Variants in PTGER4 observed in about 807,000 individuals in gnomAD.
The protein encoded by PTGER4 is prostaglandin E2 receptor EP4 subtype.
PTGER4 carries 11 observed loss-of-function variants against 33.2 expected under a neutral mutation model. The observed-to-expected ratio is 0.33, with a 90% CI of 0.21 to 0.55. The LOEUF (loss-of-function observed/expected upper bound fraction) is 0.55, where lower values mean the gene tolerates loss of function less well. Among genes scored for constraint, PTGER4 ranks in the 20% least tolerant of loss-of-function variants. PTGER4 has a pLI of 0.92. For missense variants in PTGER4, 481 were observed against 650.2 expected (o/e 0.74, Z 2.83); for synonymous variants, 275 against 281.5 (o/e 0.98, Z 0.23).
At chr5:40,746,783 AC>A in the PTGER4 span, 1 of 1,581,984 alleles carries the variant, frequency 6.3e-7, no homozygotes, top group Middle Eastern at 1.7e-4. Flanking sequence ...TAAAAAAAAA[AC>A]TTTAAATACA....
At chr5:40,713,783 T>A in the PTGER4 span, among the ~76,000 whole-genome samples, 1 of 152,156 alleles carries the variant, frequency 6.6e-6, no homozygotes, top group South Asian at 2.1e-4. Context: ...ATCTATATCA[T>A]TATCATGAAC....
chr5:40,689,244 A>G (rs1046474421), intron 2 of PTGER4, among the ~76,000 whole-genome samples: 145 of 152,310 alleles, frequency 9.5e-4, no homozygotes, highest in Non-Finnish European at 8.1e-4. Flanking sequence ...GAATAACAAC[A>G]AAACAATAAC....
chr5:40,681,089 G>T lies in PTGER4; in HGVS notation c.96G>T (p.Val32=). ...CGGCGGTGATGTTCATCTTCGGGGT[G>T]GTGGGCAACCTGGTGGCCATCGTGG... ...TIPAVMFIFG[V]VGNLVAIVVL... Residue 32 remains valine (V), a synonymous_variant, in exon 2 of 3, where the codon GTG becomes GTT. Coordinates refer to ENST00000302472, the MANE Select transcript of PTGER4 (RefSeq NM_000958.3). The surrounding 1 kb of genome is among the most constrained non-coding windows in gnomAD (Gnocchi z 9.8). 6.2e-7 allele frequency: 1 copy of T among 1,614,084 alleles called. No individual in the cohort carries two copies. The highest frequency in any genetic ancestry group is 2.2e-5 in the East Asian group (1 of 44,870).
chr5:40,717,294 T>C, the PTGER4 span, among the ~76,000 whole-genome samples: 1 of 149,876 alleles, frequency 6.7e-6, no homozygotes, highest in Non-Finnish European at 1.5e-5. Flanking sequence ...TCATATGAAG[T>C]AGGTATGGTT....
At chr5:40,698,110 AAAAAAAAAAC>A (rs1417209436), downstream of PTGER4, among the ~76,000 whole-genome samples, 2 of 145,978 alleles carry the variant, frequency 1.4e-5, no homozygotes, top group South Asian at 2.2e-4. Flanking sequence ...AAAAAAAAAA[AAAAAAAAAAC>A]CATGAAAAAT....
Position 40,681,709 on chromosome 5 carries a change from G to A in PTGER4, c.716G>A (p.Arg239Gln). Reference sequence around the variant, plus strand: ...GCCGCGGCCGCCTCGGTTGCCTCCCGGGGCCACCCCGCTGCCTCCCCAGCC... The same window carrying A: ...GCCGCGGCCGCCTCGGTTGCCTCCCAGGGCCACCCCGCTGCCTCCCCAGCC... Reference protein sequence around the residue: ...HAAAAASVASRGHPAASPALP... With the variant: ...HAAAAASVASQGHPAASPALP... Residue 239 changes from arginine (R) to glutamine (Q), a missense_variant, in exon 2 of 3, where the codon CGG (arginine) becomes CAG (glutamine). Transcript: ENST00000302472. This position sits in a 1 kb window ranked among gnomAD's most constrained non-coding sequence, Gnocchi z 9.8. The A allele has an allele frequency of 6.3e-7, 1 of 1,586,898 alleles. No individual in the cohort carries two copies. Among genetic ancestry groups the A allele is most frequent in the South Asian group, 1.1e-5 (1 of 89,684 alleles).
chr5:40,731,569 C>G, the PTGER4 span, among the ~76,000 whole-genome samples: 1 of 152,186 alleles, frequency 6.6e-6, no homozygotes, highest in Non-Finnish European at 1.5e-5. Context: ...GAGCGCTGAG[C>G]AAACAGGGAA....
chr5:40,721,085 C>T, the PTGER4 span, among the ~76,000 whole-genome samples: 1 of 152,148 alleles, frequency 6.6e-6, no homozygotes, highest in Non-Finnish European at 1.5e-5. Context: ...CCAGATTTTG[C>T]CTAGGGAAGA....
In PTGER4 at chr5:40,693,627, T is replaced by C. The variant is rs904706619; in HGVS notation, c.*1249T>C. 1.0e-6 allele frequency: 1 copy of C among 985,708 alleles called. No individual in the cohort carries two copies. Among genetic ancestry groups the C allele is most frequent in the Non-Finnish European group, 1.2e-6 (1 of 829,656 alleles). The allele number at this position is 985,708 out of a possible 1,614,324, so 61.1% of individuals were successfully genotyped here. A position where few individuals can be genotyped will look rare whatever the true frequency, so the allele number is the denominator to read the frequency against. On this transcript the variant is annotated 3_prime_UTR_variant, in exon 3 of 3. Coordinates refer to ENST00000302472, the MANE Select transcript of PTGER4 (RefSeq NM_000958.3). Reference sequence around the variant, plus strand: ...CATGTTTTGTTGCTCAGTGTTTTTGTGAATTGCTTGGTTGTAATTAAATTC... The same window carrying C: ...CATGTTTTGTTGCTCAGTGTTTTTGCGAATTGCTTGGTTGTAATTAAATTC...
At chr5:40,738,547 T>TACAATAAAATAAAATAA in the PTGER4 span, among the ~76,000 whole-genome samples, 1 of 125,134 alleles carries the variant, frequency 8.0e-6, no homozygotes, top group African/African-American at 3.0e-5. Context: ...TACAATAAAA[T>TACAATAAAATAAAATAA]AAAATAAAAT....
At chr5:40,724,451 G>A in the PTGER4 span, among the ~76,000 whole-genome samples, 1,588 of 152,058 alleles carry the variant, frequency 0.01, 21 homozygotes, top group African/African-American at 0.033. Context: ...TGGCCAACAC[G>A]GTGAAACCCT....
At chr5:40,714,037 G>C in the PTGER4 span, among the ~76,000 whole-genome samples, 2 of 152,000 alleles carry the variant, frequency 1.3e-5, no homozygotes. Context: ...CTTATATCTG[G>C]GTAAGAAAGA....
At chr5:40,741,162 G>T in the PTGER4 span, among the ~76,000 whole-genome samples, 1 of 152,180 alleles carries the variant, frequency 6.6e-6, no homozygotes, top group East Asian at 1.9e-4. Flanking sequence ...ATGTTACACT[G>T]TTGACTAAAA....
chr5:40,684,173 C>T (rs891279462), intron 2 of PTGER4, among the ~76,000 whole-genome samples: 2 of 133,820 alleles, frequency 1.5e-5, no homozygotes, highest in Non-Finnish European at 3.1e-5. Context: ...AAAACCCTTC[C>T]GCAAATACAG....
chr5:40,707,732 T>G, the PTGER4 span, among the ~76,000 whole-genome samples: 2 of 152,184 alleles, frequency 1.3e-5, no homozygotes, highest in African/African-American at 4.8e-5. Context: ...ATACACATTA[T>G]TCTCAGCACC....
intron 2 of PTGER4, among the ~76,000 whole-genome samples, chr5:40,684,582 C>T (rs1295675090): frequency 1.3e-5 from 2 of 152,120 alleles, no homozygotes; most frequent in East Asian, 1.9e-4. Flanking sequence ...TTTTAATTTG[C>T]TATCCAAAAT....
chr5:40,694,364 T>A (rs1168140589), downstream of PTGER4, among the ~76,000 whole-genome samples: 1 of 151,704 alleles, frequency 6.6e-6, no homozygotes, highest in Non-Finnish European at 1.5e-5. Flanking sequence ...TTTACATTTT[T>A]AAATGCAAAT....
At chr5:40,705,599 C>T in the PTGER4 span, among the ~76,000 whole-genome samples, 3 of 152,072 alleles carry the variant, frequency 2.0e-5, no homozygotes, top group Non-Finnish European at 4.4e-5. Flanking sequence ...TAATATCCAG[C>T]ATCTATAAGG....
At chr5:40,714,776 C>T in the PTGER4 span, 1 of 152,170 alleles carries the variant, frequency 6.6e-6, no homozygotes, top group South Asian at 2.1e-4. Context: ...TTTTAAAAAC[C>T]ATCTTCATAA....
Sources: gnomAD v4.1 joint callset for allele counts (sites outside exome capture counted in the v4.1 genomes callset) on GRCh38, gnomAD v4.1.1 for gene constraint, Gnocchi (gnomAD v3.1) non-coding constraint, MANE v1.5 for transcripts, NCBI Gene and HGNC (gene_info 2026-07-23, HGNC 2026-07-21) for gene names.